Variants in ANKFN1 observed in about 807,000 individuals in gnomAD.
ANKFN1 encodes ankyrin repeat and fibronectin type-III domain-containing protein 1.
In ANKFN1, 74 loss-of-function variants were observed where a neutral mutation model predicts 108.7. The ratio of observed to expected loss-of-function variants is 0.68; its 90% CI spans 0.56 to 0.83. The LOEUF is 0.83. Among genes scored for constraint, ANKFN1 ranks in the 40% least tolerant of loss-of-function variants. The pLI, the probability that ANKFN1 is intolerant of heterozygous loss-of-function variation, is 0.00. For synonymous variants in ANKFN1, 547 were observed against 516.2 expected, an observed-to-expected ratio of 1.06 and a Z score of -0.81; for missense variants, 1,505 against 1,382.3, an observed-to-expected ratio of 1.09 and a Z score of -1.41.
chr17:56,119,627 A>C (rs1472154015), intron 4 of ANKFN1, among the ~76,000 whole-genome samples: 1 of 152,180 alleles, frequency 6.6e-6, no homozygotes, highest in East Asian at 1.9e-4. Context: ...ACTTATGGCT[A>C]TTGGTAAGAA....
chr17:56,303,617 A>C (rs1210881787), intron 3 of ANKFN1, among the ~76,000 whole-genome samples: 1 of 151,998 alleles, frequency 6.6e-6, no homozygotes, highest in Non-Finnish European at 1.5e-5. Flanking sequence ...TCTTATTTTG[A>C]GATAACTGTA....
At chr17:56,134,770 T>A (rs1201027726) in intron 4 of ANKFN1, among the ~76,000 whole-genome samples, 1 of 152,230 alleles carries the variant, frequency 6.6e-6, no homozygotes, top group Non-Finnish European at 1.5e-5. Context: ...TAGGTTCTAC[T>A]TCAAGCTATT....
chr17:56,052,562 A>G (rs1310869357), intron 4 of ANKFN1, among the ~76,000 whole-genome samples: 2 of 152,196 alleles, frequency 1.3e-5, no homozygotes, highest in Non-Finnish European at 2.9e-5. Context: ...TTATTGGTTT[A>G]AGGTCTAGAT....
At chr17:56,390,116 G>T (rs1481985883) in intron 8 of ANKFN1, among the ~76,000 whole-genome samples, 1 of 151,912 alleles carries the variant, frequency 6.6e-6, no homozygotes, top group Admixed American at 6.6e-5. Context: ...TGCCATGGTG[G>T]TTTGCTGCAC....
At chr17:56,306,509 A>C (rs1031080048) in intron 3 of ANKFN1, among the ~76,000 whole-genome samples, 49 of 152,294 alleles carry the variant, frequency 3.2e-4, no homozygotes, top group Non-Finnish European at 4.3e-4. Flanking sequence ...ACCTAGGAAT[A>C]CAACTTACAA....
intron 8 of ANKFN1, among the ~76,000 whole-genome samples, chr17:56,403,486 G>A (rs1289325528): frequency 1.3e-5 from 2 of 151,972 alleles, no homozygotes; most frequent in Admixed American, 1.3e-4. Flanking sequence ...ACACCTGCTT[G>A]CTTTTCGTGT....
intron 8 of ANKFN1, among the ~76,000 whole-genome samples, chr17:56,381,900 G>C (rs1000592707): frequency 9.2e-5 from 14 of 152,022 alleles, no homozygotes; most frequent in Admixed American, 7.9e-4. Flanking sequence ...AATCTAGCAA[G>C]GCAGGCCAAC....
At chr17:56,070,744 C>CT (rs536452426) in intron 4 of ANKFN1, among the ~76,000 whole-genome samples, 8,209 of 128,730 alleles carry the variant, frequency 0.064, 855 homozygotes, top group African/African-American at 0.21. Flanking sequence ...GTATTTTTTT[C>CT]TTTTTTTTTT....
rs1411298439 is a variant in ANKFN1 at position 56,512,748 on chromosome 17, A to G, written c.*1479A>G. Among the ~76,000 whole-genome samples the G allele has an allele frequency of 2.6e-5, 4 of 152,220 alleles. No individual in the cohort carries two copies. Among genetic ancestry groups the G allele is most frequent in the Non-Finnish European group, 5.9e-5 (4 of 68,042 alleles). On this transcript the variant is annotated 3_prime_UTR_variant, in exon 21 of 21. Transcript: ENST00000682825. ...GTTCATACAAAGTCCCCTGTTCACA[A>G]TGTTATTCTGATCCCTTCCATTTTA...
chr17:56,174,344 G>A, intron 1 of ANKFN1: 1 of 985,652 alleles, frequency 1.0e-6, no homozygotes, highest in Non-Finnish European at 1.2e-6. Context: ...TCCCTACCAA[G>A]TGTGCAAAGC....
chr17:56,477,422 A>G, intron 15 of ANKFN1, 66 bp from the exon 16 acceptor site: 1 of 1,414,828 alleles, frequency 7.1e-7, no homozygotes, highest in Non-Finnish European at 9.3e-7. Context: ...AGAAAGGAAA[A>G]GGTTTTGAGA....
chr17:56,460,357 G>T (rs181514990), intron 14 of ANKFN1, among the ~76,000 whole-genome samples: 14 of 152,266 alleles, frequency 9.2e-5, no homozygotes, highest in Admixed American at 7.8e-4. Context: ...GGAGTCTGAC[G>T]TGGGAGGATC....
At chr17:56,487,055 G>A (rs989437407) in intron 18 of ANKFN1, among the ~76,000 whole-genome samples, 1 of 152,120 alleles carries the variant, frequency 6.6e-6, no homozygotes, top group African/African-American at 2.4e-5. Context: ...CTGGAATAAG[G>A]TCTAGACTGT....
chr17:56,407,295 A>G (rs2047950507), intron 8 of ANKFN1, among the ~76,000 whole-genome samples: 8 of 152,130 alleles, frequency 5.3e-5, no homozygotes, highest in Admixed American at 5.2e-4. Flanking sequence ...AATACTAGGA[A>G]ATATTTACTG....
At chr17:56,374,003 A>G (rs529587903) in intron 7 of ANKFN1, among the ~76,000 whole-genome samples, 81 of 152,312 alleles carry the variant, frequency 5.3e-4, no homozygotes, top group Admixed American at 1.1e-3. Flanking sequence ...CTCGGAAAAT[A>G]CTGCTCATTT....
intron 20 of ANKFN1, among the ~76,000 whole-genome samples, chr17:56,507,366 C>G (rs936778046): frequency 2.0e-5 from 3 of 152,062 alleles, no homozygotes; most frequent in Non-Finnish European, 4.4e-5. Flanking sequence ...TTTCCTAACC[C>G]CTTACCTCTG....
At chr17:56,143,448 T>C (rs1435066478) in intron 4 of ANKFN1, among the ~76,000 whole-genome samples, 2 of 152,188 alleles carry the variant, frequency 1.3e-5, no homozygotes, top group African/African-American at 4.8e-5. Context: ...CTAGAGCCCT[T>C]TCCTGACTCT....
At chr17:56,449,808 C>T (rs1264261823) in intron 11 of ANKFN1, among the ~76,000 whole-genome samples, 1 of 152,176 alleles carries the variant, frequency 6.6e-6, no homozygotes, top group Non-Finnish European at 1.5e-5. Context: ...CATTCCCTTA[C>T]ATCAGGACTG....
chr17:56,337,635 T>C (rs1426823306), intron 4 of ANKFN1, among the ~76,000 whole-genome samples: 1 of 152,018 alleles, frequency 6.6e-6, no homozygotes, highest in Non-Finnish European at 1.5e-5. Flanking sequence ...CATCAAAAAG[T>C]GGGCAAAGGA....
Sources: gnomAD v4.1 joint callset for allele counts (sites outside exome capture counted in the v4.1 genomes callset) on GRCh38, gnomAD v4.1.1 for gene constraint, MANE v1.5 for transcripts, NCBI Gene and HGNC (gene_info 2026-07-23, HGNC 2026-07-21) for gene names.